Variants in PALM2AKAP2 observed in about 807,000 individuals in gnomAD.
The protein encoded by PALM2AKAP2 is PALM2-AKAP2 fusion protein.
In PALM2AKAP2, 37 loss-of-function variants were observed where a neutral mutation model predicts 71.5. The observed-to-expected ratio is 0.52, with a 90% CI of 0.40 to 0.68. The LOEUF is 0.68. PALM2AKAP2 is among the 30% of genes least tolerant of loss of function. PALM2AKAP2 has a pLI of 0.00. For missense variants in PALM2AKAP2, 1,224 were observed against 1,191.8 expected (o/e 1.03, Z -0.40); for synonymous variants, 468 against 478.8 (o/e 0.98, Z 0.29).
intron 1 of PALM2AKAP2, among the ~76,000 whole-genome samples, chr9:110,135,722 A>G (rs1835848271): frequency 6.6e-6 from 1 of 152,218 alleles, no homozygotes; most frequent in South Asian, 2.1e-4. Flanking sequence ...GAATAACTGC[A>G]TTACATCTGG....
chr9:109,905,672 A>G (rs991301598), intron 3 of PALM2AKAP2, among the ~76,000 whole-genome samples: 1 of 152,250 alleles, frequency 6.6e-6, no homozygotes, highest in African/African-American at 2.4e-5. Flanking sequence ...GTTTTGCTGC[A>G]GCCGGGTGAG....
At chr9:110,091,456 A>ATTTTTTTTT (rs1194438639) in intron 1 of PALM2AKAP2, among the ~76,000 whole-genome samples, 3 of 67,428 alleles carry the variant, frequency 4.4e-5, no homozygotes, top group African/African-American at 1.4e-4. Context: ...TTTGAGATTT[A>ATTTTTTTTT]TTCTTTTTTT....
At chr9:109,809,833 A>G (rs1028226315) in intron 1 of PALM2AKAP2, among the ~76,000 whole-genome samples, 1 of 152,216 alleles carries the variant, frequency 6.6e-6, no homozygotes, top group African/African-American at 2.4e-5. Context: ...TGTTCTCATT[A>G]TAGTGAGTGA....
intron 6 of PALM2AKAP2, among the ~76,000 whole-genome samples, chr9:109,980,505 C>A (rs1351063218): frequency 6.6e-6 from 1 of 152,206 alleles, no homozygotes; most frequent in African/African-American, 2.4e-5. Flanking sequence ...GAGGCCTCAT[C>A]GTACACCAGC....
At chr9:109,984,948 G>T (rs1832344581) in intron 6 of PALM2AKAP2, among the ~76,000 whole-genome samples, 1 of 152,168 alleles carries the variant, frequency 6.6e-6, no homozygotes, top group African/African-American at 2.4e-5. Flanking sequence ...GCCAAAGCAG[G>T]TGGATCACCT....
intron 1 of PALM2AKAP2, among the ~76,000 whole-genome samples, chr9:109,657,503 G>C (rs183081899): frequency 3.3e-4 from 49 of 147,008 alleles, no homozygotes; most frequent in Non-Finnish European, 4.9e-4. Flanking sequence ...GGTCTTGGGA[G>C]CAGGGGAGAC....
At chr9:110,005,762 G>A (rs1256474467) in intron 6 of PALM2AKAP2, among the ~76,000 whole-genome samples, 1 of 152,226 alleles carries the variant, frequency 6.6e-6, no homozygotes, top group East Asian at 1.9e-4. Context: ...CCGCCTTGCA[G>A]TTTGATCTCA....
At chr9:110,071,744 T>G (rs1170245962) in intron 1 of PALM2AKAP2, among the ~76,000 whole-genome samples, 3 of 152,240 alleles carry the variant, frequency 2.0e-5, no homozygotes, top group Admixed American at 2.0e-4. Context: ...TCGGCTAAAA[T>G]TATGTCTATA....
At position 110,137,146 on chromosome 9, in the gene PALM2AKAP2, T is replaced by G. The variant is rs141692353; in HGVS notation, c.1176T>G (p.His392Gln). The change falls in exon 2 of 4, where the codon CAT becomes CAG. Residue 392 changes from histidine to glutamine, a missense_variant. His to Gln is a conservative substitution (Grantham distance 24, BLOSUM62 0). Transcript: ENST00000374525. ...TCTGCACAGCCCCTGCCTCTTCTCATGAACGCGCAAGCATGATTGACAAAG... is the reference window on the plus strand; with the variant it reads ...TCTGCACAGCCCCTGCCTCTTCTCAGGAACGCGCAAGCATGATTGACAAAG... The G allele has an allele frequency of 4.5e-5, 73 of 1,613,556 alleles. 1 individual carries two copies. In the Middle Eastern group the frequency reaches 8.2e-4, roughly 18 times the overall value.
intron 1 of PALM2AKAP2, among the ~76,000 whole-genome samples, chr9:109,764,171 T>C (rs1379235033): frequency 1.3e-5 from 2 of 152,134 alleles, no homozygotes. Flanking sequence ...CTCAGTAAAG[T>C]ATCCCCAGTG....
Position 109,866,387 on chromosome 9 carries a change from G to A in PALM2AKAP2, c.46-1104G>A, listed in dbSNP as rs116067332. On this transcript the variant is annotated intron_variant, in intron 1 of 9. Coordinates refer to the PALM2AKAP2 transcript ENST00000302798. ...ACGAAAATGCTCCAGTATAGTAAAT[G>A]TCTCAGCAAACCACTCCTGTACGCT... Among the ~76,000 whole-genome samples the A allele has an allele frequency of 3.6e-3, 553 of 152,258 alleles. 1 individual carries two copies. Among genetic ancestry groups the A allele is most frequent in the African/African-American group, 0.013 (524 of 41,558 alleles).
intron 1 of PALM2AKAP2, among the ~76,000 whole-genome samples, chr9:109,788,411 G>A (rs1230414810): frequency 6.6e-6 from 1 of 152,160 alleles, no homozygotes; most frequent in Admixed American, 6.5e-5. Flanking sequence ...GTCATATATG[G>A]TATAGAACAG....
At chr9:109,757,611 A>G (rs10118680) in intron 1 of PALM2AKAP2, among the ~76,000 whole-genome samples, 2,478 of 152,184 alleles carry the variant, frequency 0.016, 64 homozygotes, top group African/African-American at 0.056. Context: ...ATAGTCCGCA[A>G]TATGTACAGT....
chr9:110,009,168 G>T (rs188104242), intron 6 of PALM2AKAP2, among the ~76,000 whole-genome samples: 17 of 152,252 alleles, frequency 1.1e-4, no homozygotes, highest in African/African-American at 3.4e-4. Flanking sequence ...CTGTTTTCAC[G>T]TGGTGGTGCC....
chr9:109,732,998 G>C (rs767107801), intron 1 of PALM2AKAP2, among the ~76,000 whole-genome samples: 5 of 152,188 alleles, frequency 3.3e-5, no homozygotes, highest in Non-Finnish European at 5.9e-5. Flanking sequence ...TGAGTTCTGA[G>C]AGGTAGACAG....
chr9:109,892,453 T>C (rs1237458264), intron 3 of PALM2AKAP2, among the ~76,000 whole-genome samples: 2 of 152,162 alleles, frequency 1.3e-5, no homozygotes, highest in African/African-American at 4.8e-5. Context: ...TATTCATAGG[T>C]TCTGGGGGTT....
intron 2 of PALM2AKAP2, among the ~76,000 whole-genome samples, chr9:110,145,093 G>A (rs990846435): frequency 2.6e-5 from 4 of 152,018 alleles, no homozygotes; most frequent in African/African-American, 9.7e-5. Context: ...CCCAACCCCT[G>A]CATTTTCCTG....
chr9:109,665,242 C>T (rs10119631), intron 1 of PALM2AKAP2, among the ~76,000 whole-genome samples: 14,398 of 152,058 alleles, frequency 0.095, 774 homozygotes, highest in East Asian at 0.24. Flanking sequence ...CAAGTACCCG[C>T]GCTCCTTTGG....
intron 1 of PALM2AKAP2, among the ~76,000 whole-genome samples, chr9:110,102,599 TCCTCC>T (rs1239568872): frequency 2.0e-5 from 3 of 151,734 alleles, no homozygotes; most frequent in Non-Finnish European, 2.9e-5. Flanking sequence ...TCCTCTCCAC[TCCTCC>T]CCTCCCCTCC....
Sources: allele counts gnomAD v4.1 joint callset (sites outside exome capture counted in the v4.1 genomes callset), GRCh38; gene constraint gnomAD v4.1.1; transcripts MANE v1.5; gene names NCBI Gene and HGNC (gene_info 2026-07-23, HGNC 2026-07-21).